Variants in LRRC4C observed in about 807,000 individuals in gnomAD.
The protein encoded by LRRC4C is leucine-rich repeat-containing protein 4C.
A neutral mutation model predicts 33.6 loss-of-function variants in LRRC4C; 5 were observed. The observed-to-expected ratio is 0.15, with a 90% confidence interval of 0.08 to 0.31. The LOEUF (loss-of-function observed/expected upper bound fraction) is 0.31. Among genes scored for constraint, LRRC4C ranks in the 10% least tolerant of loss-of-function variants. The pLI is 1.00. For missense variants in LRRC4C, 560 were observed against 796.7 expected (o/e 0.70, Z 3.58); for synonymous variants, 329 against 302.0 (o/e 1.09, Z -0.93).
chr11:40,941,608 G>A (rs1958148427), intron 1 of LRRC4C, among the ~76,000 whole-genome samples: 1 of 152,124 alleles, frequency 6.6e-6, no homozygotes, highest in Non-Finnish European at 1.5e-5. Context: ...GTAACACTAA[G>A]CTAACTTCCA....
chr11:40,631,987 A>G (rs1963517605), intron 3 of LRRC4C, among the ~76,000 whole-genome samples: 1 of 152,200 alleles, frequency 6.6e-6, no homozygotes, highest in South Asian at 2.1e-4. Context: ...TGAAGCAGAT[A>G]TTATTAACAT....
chr11:40,623,573 C>G (rs1054118212), intron 3 of LRRC4C, among the ~76,000 whole-genome samples: 3 of 152,052 alleles, frequency 2.0e-5, no homozygotes, highest in Non-Finnish European at 4.4e-5. Flanking sequence ...GCTTTATTCA[C>G]AGTAATTCCA....
chr11:40,444,852 G>A (rs2138007883), intron 3 of LRRC4C, among the ~76,000 whole-genome samples: 1 of 152,324 alleles, frequency 6.6e-6, no homozygotes, highest in South Asian at 2.1e-4. Flanking sequence ...AACCAAAACA[G>A]ATCACACATC....
At chr11:40,846,812 T>C (rs1177073329) in intron 2 of LRRC4C, among the ~76,000 whole-genome samples, 1 of 152,178 alleles carries the variant, frequency 6.6e-6, no homozygotes. Context: ...TTTCCATTTG[T>C]TTGTGTCCTC....
At chr11:41,382,984 C>CAA (rs1322934968) in intron 1 of LRRC4C, among the ~76,000 whole-genome samples, 1 of 152,084 alleles carries the variant, frequency 6.6e-6, no homozygotes, top group Non-Finnish European at 1.5e-5. Context: ...AATGGGTAAG[C>CAA]ATACAATGCA....
chr11:41,297,440 G>C (rs1474638999), intron 1 of LRRC4C, among the ~76,000 whole-genome samples: 1 of 152,016 alleles, frequency 6.6e-6, no homozygotes, highest in Non-Finnish European at 1.5e-5. Context: ...TATTTTCTTG[G>C]AAGAATTTAA....
chr11:40,996,916 T>C (rs1293716934), intron 1 of LRRC4C, among the ~76,000 whole-genome samples: 1 of 152,142 alleles, frequency 6.6e-6, no homozygotes, highest in Non-Finnish European at 1.5e-5. Context: ...CATATGCTAC[T>C]AGGCCCCACC....
intron 1 of LRRC4C, among the ~76,000 whole-genome samples, chr11:41,018,063 C>T (rs902144051): frequency 9.6e-6 from 1 of 103,760 alleles, no homozygotes; most frequent in Non-Finnish European, 2.3e-5. Flanking sequence ...TTAGTTTATT[C>T]CATGGACCAG....
chr11:40,941,576 T>A (rs1370724399), intron 1 of LRRC4C, among the ~76,000 whole-genome samples: 1 of 152,160 alleles, frequency 6.6e-6, no homozygotes, highest in Non-Finnish European at 1.5e-5. Flanking sequence ...TGGTAATACT[T>A]TGAAATGTAA....
intron 2 of LRRC4C, among the ~76,000 whole-genome samples, chr11:40,777,318 G>A (rs1312674125): frequency 6.6e-6 from 1 of 152,080 alleles, no homozygotes; most frequent in Non-Finnish European, 1.5e-5. Context: ...ATTGTCTGCG[G>A]GGTGTGGACT....
chr11:41,209,031 G>T (rs1456721908), intron 1 of LRRC4C, among the ~76,000 whole-genome samples: 1 of 151,498 alleles, frequency 6.6e-6, no homozygotes, highest in Non-Finnish European at 1.5e-5. Context: ...AGACATAGGG[G>T]CCTATTTGAA....
At chr11:41,035,977 C>T (rs1403182841) in intron 1 of LRRC4C, among the ~76,000 whole-genome samples, 1 of 151,924 alleles carries the variant, frequency 6.6e-6, no homozygotes, top group Non-Finnish European at 1.5e-5. Flanking sequence ...ACTCTGCATT[C>T]TTGAAATATA....
intron 1 of LRRC4C, among the ~76,000 whole-genome samples, chr11:41,077,663 G>T (rs1230377271): frequency 6.6e-6 from 1 of 152,156 alleles, no homozygotes; most frequent in Non-Finnish European, 1.5e-5. Flanking sequence ...AGGGGCTGCT[G>T]TGAAGAACTC....
At chr11:40,632,125 A>C (rs1216379894) in intron 3 of LRRC4C, among the ~76,000 whole-genome samples, 17 of 152,196 alleles carry the variant, frequency 1.1e-4, no homozygotes, top group Admixed American at 1.1e-3. Context: ...TCCTGTTCCT[A>C]TCACCTTATG....
At chr11:41,210,181 CA>C (rs1214365788) in intron 1 of LRRC4C, among the ~76,000 whole-genome samples, 1 of 152,122 alleles carries the variant, frequency 6.6e-6, no homozygotes. Flanking sequence ...CCCAAGGAGA[CA>C]AACACCAACC....
intron 1 of LRRC4C, among the ~76,000 whole-genome samples, chr11:41,132,772 T>A (rs910449566): frequency 1.1e-4 from 17 of 152,154 alleles, no homozygotes; most frequent in African/African-American, 3.6e-4. Flanking sequence ...TTAATTAAAT[T>A]AATCTTCTTT....
At chr11:41,294,654 A>C (rs1298220605) in intron 1 of LRRC4C, among the ~76,000 whole-genome samples, 1 of 152,074 alleles carries the variant, frequency 6.6e-6, no homozygotes, top group African/African-American at 2.4e-5. Context: ...ATAAAGTTTC[A>C]TTTTTCATTT....
At chr11:41,102,554 C>T (rs778236004) in intron 1 of LRRC4C, among the ~76,000 whole-genome samples, 12 of 152,076 alleles carry the variant, frequency 7.9e-5, no homozygotes, top group Admixed American at 1.3e-4. Context: ...AAAATCATCA[C>T]GTAAACCATG....
chr11:41,186,291 A>G (rs1945692475), intron 1 of LRRC4C, among the ~76,000 whole-genome samples: 1 of 152,216 alleles, frequency 6.6e-6, no homozygotes, highest in African/African-American at 2.4e-5. Context: ...TCAGTAGAGA[A>G]GTGGTTAAGT....
Sources: gnomAD v4.1 joint callset for allele counts (sites outside exome capture counted in the v4.1 genomes callset) on GRCh38, gnomAD v4.1.1 for gene constraint, MANE v1.5 for transcripts, NCBI Gene and HGNC (gene_info 2026-07-23, HGNC 2026-07-21) for gene names.